DLC1: variants seen among roughly 807,000 people sequenced by gnomAD.
DLC1 encodes DLC1 Rho GTPase activating protein, also known as rho GTPase-activating protein 7.
DLC1 carries 54 observed loss-of-function variants against 140.3 expected under a neutral mutation model. That is an observed-to-expected ratio of 0.38 (90% confidence interval 0.31 to 0.48). DLC1 has a LOEUF of 0.48. DLC1 is among the 20% of genes least tolerant of loss of function. DLC1 has a pLI of 0.96. For missense variants in DLC1, 2,536 were observed against 1,907.0 expected (o/e 1.33, Z -6.14); for synonymous variants, 986 against 728.1 (o/e 1.35, Z -5.70).
At chr8:13,141,703 C>T (rs538694011) in intron 5 of DLC1, among the ~76,000 whole-genome samples, 40 of 152,230 alleles carry the variant, frequency 2.6e-4, no homozygotes, top group African/African-American at 9.6e-4. Context: ...TCTGGAAACC[C>T]CTACACAGCT....
intron 1 of DLC1, among the ~76,000 whole-genome samples, chr8:13,590,054 TCA>T (rs1805464939): frequency 1.4e-5 from 2 of 147,910 alleles, no homozygotes; most frequent in African/African-American, 5.0e-5. Flanking sequence ...TAGGAGAAAC[TCA>T]ACATGCATAT....
intron 6 of DLC1, among the ~76,000 whole-genome samples, chr8:13,112,341 G>A (rs1006941658): frequency 7.2e-5 from 11 of 152,054 alleles, no homozygotes; most frequent in African/African-American, 2.7e-4. Context: ...GAATGATATG[G>A]AATTTCTTAT....
At chr8:13,200,167 T>C (rs1454571481) in intron 5 of DLC1, among the ~76,000 whole-genome samples, 2 of 152,092 alleles carry the variant, frequency 1.3e-5, no homozygotes, top group Admixed American at 1.3e-4. Flanking sequence ...CTCTGCCTCC[T>C]GAGTAGCTGG....
At chr8:13,303,544 G>A (rs944834771) in intron 5 of DLC1, among the ~76,000 whole-genome samples, 1 of 152,216 alleles carries the variant, frequency 6.6e-6, no homozygotes, top group African/African-American at 2.4e-5. Context: ...GCTCACACCT[G>A]TAATCCCAGC....
chr8:13,121,812 C>G (rs1439426772), intron 5 of DLC1, among the ~76,000 whole-genome samples: 1 of 152,102 alleles, frequency 6.6e-6, no homozygotes, highest in Non-Finnish European at 1.5e-5. Context: ...CTCGGCCTCC[C>G]AAAGTGCTGG....
intron 5 of DLC1, among the ~76,000 whole-genome samples, chr8:13,219,033 T>TATACGAATATAATTATATAA (rs1563174046): frequency 2.5e-5 from 1 of 40,120 alleles, no homozygotes; most frequent in Non-Finnish European, 4.2e-5. Context: ...TATATAATTA[T>TATACGAATATAATTATATAA]GTGAATATAA....
chr8:13,137,482 G>A (rs939666433), intron 5 of DLC1, among the ~76,000 whole-genome samples: 9 of 151,370 alleles, frequency 5.9e-5, no homozygotes, highest in African/African-American at 2.2e-4. Flanking sequence ...TGGGGGTGTT[G>A]TTACTTATTT....
At chr8:13,545,055 G>C (rs1803609147) in intron 1 of DLC1, among the ~76,000 whole-genome samples, 1 of 151,974 alleles carries the variant, frequency 6.6e-6, no homozygotes, top group South Asian at 2.1e-4. Flanking sequence ...CGTATCCTCA[G>C]TGCTAGAACA....
intron 5 of DLC1, among the ~76,000 whole-genome samples, chr8:13,180,612 C>A (rs1204634591): frequency 6.6e-6 from 1 of 151,928 alleles, no homozygotes; most frequent in Non-Finnish European, 1.5e-5. Flanking sequence ...GAGTTTCTTA[C>A]AGTGCATCAT....
At chr8:13,422,727 A>C (rs1043171383) in intron 2 of DLC1, among the ~76,000 whole-genome samples, 4 of 152,092 alleles carry the variant, frequency 2.6e-5, no homozygotes, top group East Asian at 1.9e-4. Context: ...TATAGTATAC[A>C]CAAGAGATAA....
intron 4 of DLC1, chr8:13,353,623 G>A (rs1834780459): frequency 6.6e-6 from 1 of 152,244 alleles, no homozygotes; most frequent in Non-Finnish European, 1.5e-5. Context: ...TTGGGAGGCA[G>A]AGACGGGCGG....
chr8:13,455,979 T>C (rs945860842), intron 2 of DLC1, among the ~76,000 whole-genome samples: 1 of 152,250 alleles, frequency 6.6e-6, no homozygotes, highest in Admixed American at 6.5e-5. Flanking sequence ...GTGTTAATTT[T>C]GTTGATTCAT....
Position 13,085,624 on chromosome 8 carries a change from T to C in DLC1, c.*187A>G. 4 of 795,332 alleles carry C rather than the reference T, an allele frequency of 5.0e-6. No homozygotes were observed. The highest frequency in any genetic ancestry group is 7.4e-6 in the Non-Finnish European group (4 of 541,106). 49.3% of individuals were successfully genotyped at this position (795,332 alleles called of 1,614,324 possible). ...TCTTACATATTCCAGTCAAGGTCTATGAATACAGACCCTCAACAAACAGGA... is the reference window on the plus strand; with the variant it reads ...TCTTACATATTCCAGTCAAGGTCTACGAATACAGACCCTCAACAAACAGGA... On this transcript the variant is annotated 3_prime_UTR_variant, in exon 18 of 18. Coordinates refer to ENST00000276297, the MANE Select transcript of DLC1 (RefSeq NM_182643.3).
chr8:13,484,127 A>T (rs1340154178), intron 2 of DLC1, among the ~76,000 whole-genome samples: 1 of 152,132 alleles, frequency 6.6e-6, no homozygotes, highest in Admixed American at 6.6e-5. Context: ...TCTGAGCTGC[A>T]GTGTGGAATA....
chr8:13,325,404 A>G (rs937107751), intron 4 of DLC1, among the ~76,000 whole-genome samples: 1 of 152,196 alleles, frequency 6.6e-6, no homozygotes, highest in Non-Finnish European at 1.5e-5. Context: ...CAACACTACA[A>G]CACTTTCCAA....
intron 2 of DLC1, among the ~76,000 whole-genome samples, chr8:13,427,162 C>G (rs916094867): frequency 2.0e-5 from 3 of 152,206 alleles, no homozygotes. Context: ...CCTGCCTACT[C>G]AATTCCATGC....
intron 5 of DLC1, among the ~76,000 whole-genome samples, chr8:13,282,920 T>G (rs1028521849): frequency 7.9e-5 from 12 of 152,196 alleles, no homozygotes; most frequent in Non-Finnish European, 1.5e-4. Context: ...ACATATTGTT[T>G]TATGTTCATA....
chr8:13,513,161 CT>C (rs1360497185), intron 1 of DLC1, among the ~76,000 whole-genome samples: 2 of 152,064 alleles, frequency 1.3e-5, no homozygotes, highest in African/African-American at 4.8e-5. Context: ...GAGGTGTGAC[CT>C]TGGACAGGTC....
intron 4 of DLC1, among the ~76,000 whole-genome samples, chr8:13,329,924 G>A (rs1833518745): frequency 6.6e-6 from 1 of 152,086 alleles, no homozygotes; most frequent in South Asian, 2.1e-4. Flanking sequence ...TGTAGAGTTT[G>A]AGAAAAGAAC....
Sources: gnomAD v4.1 joint callset for allele counts (sites outside exome capture counted in the v4.1 genomes callset) on GRCh38, gnomAD v4.1.1 for gene constraint, MANE v1.5 for transcripts, NCBI Gene and HGNC (gene_info 2026-07-23, HGNC 2026-07-21) for gene names.